The following SLC9A6 variants were observed in gnomAD, a reference collection of about 807,000 sequenced individuals.
SLC9A6 encodes the protein solute carrier family 9 member A6.
A neutral mutation model predicts 45.3 loss-of-function variants in SLC9A6; 6 were observed. The ratio of observed to expected loss-of-function variants is 0.13; its 90% CI spans 0.07 to 0.26. The LOEUF (loss-of-function observed/expected upper bound fraction) is 0.26, where lower values mean the gene tolerates loss of function less well. Ranked by LOEUF, SLC9A6 falls within the 10% of genes least tolerant of loss-of-function variation. SLC9A6 has a pLI of 1.00. For synonymous variants in SLC9A6, 191 were observed against 187.7 expected, an observed-to-expected ratio of 1.02 and a Z score of -0.14; for missense variants, 278 against 503.7, an observed-to-expected ratio of 0.55 and a Z score of 4.29.
upstream of SLC9A6, chrX:135,985,078 C>T (rs1250372214): frequency 8.3e-6 from 1 of 119,807 alleles, no homozygotes; most frequent in African/African-American, 3.3e-5. Context: ...GAGATTGAGG[C>T]TCCTCCCAAG....
At chrX:136,032,763 G>A (rs781849679) in intron 15 of SLC9A6, among the ~76,000 whole-genome samples, 5 of 112,491 alleles carry the variant, frequency 4.4e-5, no homozygotes, top group Non-Finnish European at 9.4e-5. Context: ...GATCCATGAC[G>A]ACTCCCAAAT....
chrX:135,986,796 A>G (rs1412484799), intron 2 of SLC9A6, among the ~76,000 whole-genome samples: 2 of 111,280 alleles, frequency 1.8e-5, no homozygotes, highest in Non-Finnish European at 3.8e-5. Flanking sequence ...TGGGGCCTCA[A>G]GAGGAGAAAA....
At chrX:136,039,379 C>T (rs1331576860) in intron 16 of SLC9A6, among the ~76,000 whole-genome samples, 2 of 109,545 alleles carry the variant, frequency 1.8e-5, no homozygotes, top group Non-Finnish European at 3.8e-5. Flanking sequence ...TCTTGTGATT[C>T]CCTCTTTTTT....
intron 10 of SLC9A6, among the ~76,000 whole-genome samples, chrX:136,015,121 A>G (rs1556619133): frequency 8.8e-6 from 1 of 113,116 alleles, no homozygotes; most frequent in East Asian, 2.8e-4. Context: ...CCAGTGAGCT[A>G]AGCATGGTTT....
intron 8 of SLC9A6, among the ~76,000 whole-genome samples, chrX:136,011,387 G>A (rs999224153): frequency 1.8e-5 from 2 of 110,827 alleles, no homozygotes; most frequent in Non-Finnish European, 3.8e-5. Context: ...TTACAGGTGC[G>A]CAACACCACA....
At chrX:136,021,041 T>G (rs1441828905) in intron 11 of SLC9A6, among the ~76,000 whole-genome samples, 2 of 110,574 alleles carry the variant, frequency 1.8e-5, no homozygotes, top group Non-Finnish European at 3.8e-5. Context: ...TGTTACTTGG[T>G]GTCTTTGCTT....
At chrX:135,977,577 C>G (rs781869736) in intron 1 of SLC9A6, among the ~76,000 whole-genome samples, 2 of 112,073 alleles carry the variant, frequency 1.8e-5, no homozygotes, top group South Asian at 7.4e-4. Context: ...GAGATATATA[C>G]CTATTGTAGG....
At chrX:135,981,989 A>T (rs1556614122), upstream of SLC9A6, among the ~76,000 whole-genome samples, 1 of 112,760 alleles carries the variant, frequency 8.9e-6, no homozygotes, top group African/African-American at 3.2e-5. Flanking sequence ...AGGAATGGAC[A>T]TGGCCATGTC....
At chrX:136,026,540 CTT>C (rs1376477816) in intron 13 of SLC9A6, among the ~76,000 whole-genome samples, 2 of 102,472 alleles carry the variant, frequency 2.0e-5, no homozygotes, top group Non-Finnish European at 2.0e-5. Flanking sequence ...CTCAGTGGTT[CTT>C]TTTTTTTTTT....
At chrX:135,975,238 C>G (rs2089255145) in intron 1 of SLC9A6, 1 of 112,472 alleles carries the variant, frequency 8.9e-6, no homozygotes, top group Non-Finnish European at 1.9e-5. Context: ...AAATTCTGCA[C>G]CAGTTCCTCC....
intron 10 of SLC9A6, among the ~76,000 whole-genome samples, chrX:136,015,238 T>C: frequency 8.8e-6 from 1 of 113,072 alleles, no homozygotes; most frequent in East Asian, 2.8e-4. Context: ...AATAAAATTT[T>C]CTTGGCACAC....
upstream of SLC9A6, among the ~76,000 whole-genome samples, chrX:135,982,860 T>C (rs1386742479): frequency 1.8e-5 from 2 of 111,931 alleles, no homozygotes; most frequent in African/African-American, 6.5e-5. Context: ...GATATTTAAG[T>C]AGATAGCAGG....
At chrX:136,021,208 A>G (rs1448427650) in intron 11 of SLC9A6, among the ~76,000 whole-genome samples, 1 of 111,455 alleles carries the variant, frequency 9.0e-6, no homozygotes, top group Non-Finnish European at 1.9e-5. Context: ...AACCATCTGT[A>G]TCTCTGTTAA....
chrX:135,996,236 T>C (rs1177803845), intron 3 of SLC9A6, among the ~76,000 whole-genome samples: 27 of 108,866 alleles, frequency 2.5e-4, no homozygotes, highest in African/African-American at 8.4e-4. Flanking sequence ...TTCACCATGT[T>C]GTCTAGGCTT....
intron 6 of SLC9A6, among the ~76,000 whole-genome samples, chrX:136,001,200 T>A (rs1416205787): frequency 2.8e-5 from 3 of 107,972 alleles, no homozygotes; most frequent in Admixed American, 1.0e-4. Context: ...AGCCAGGTGT[T>A]CTGGCGGGCG....
chrX:136,010,535 C>T lies in SLC9A6; in HGVS notation c.837C>T (p.Phe279=). 8.3e-7 allele frequency: 1 copy of T among 1,210,723 alleles called. No homozygotes were observed. The highest frequency in any genetic ancestry group is 1.8e-5 in the South Asian group (1 of 56,999). ...CTATTGGGATCTTCCTTGGAATCTT[C>T]AGTGGATCTTTTGCAATGGGTGCTG... is the stretch of plus-strand genomic sequence containing the variant. ...FKSIGIFLGI[F]SGSFAMGAAT... The change falls in exon 8 of 18, where the codon TTC becomes TTT. Residue 279 remains phenylalanine (F), a synonymous_variant. Coordinates refer to ENST00000630721, the MANE Select transcript of SLC9A6 (RefSeq NM_001379110.1).
upstream of SLC9A6, chrX:135,974,012 A>G (rs1556612980): frequency 1.5e-6 from 1 of 668,497 alleles, no homozygotes; most frequent in South Asian, 2.3e-5. Flanking sequence ...AAATGGGGGC[A>G]GGGCCAGTGG....
intron 2 of SLC9A6, among the ~76,000 whole-genome samples, chrX:135,990,289 GT>G (rs1556615524): frequency 1.8e-5 from 2 of 112,032 alleles, no homozygotes; most frequent in Non-Finnish European, 3.8e-5. Flanking sequence ...CCCAGCCATG[GT>G]TGTGTTCTTT....
upstream of SLC9A6, chrX:135,985,374 T>C: frequency 5.0e-6 from 2 of 396,999 alleles, no homozygotes; most frequent in Non-Finnish European, 7.8e-6. Flanking sequence ...GCGGCCCCTT[T>C]AAGAGCGGCG....
Sources: gnomAD v4.1 joint callset for allele counts (sites outside exome capture counted in the v4.1 genomes callset) on GRCh38, gnomAD v4.1.1 for gene constraint, MANE v1.5 for transcripts, NCBI Gene and HGNC (gene_info 2026-07-23, HGNC 2026-07-21) for gene names.